RNF17: variants seen among roughly 807,000 people sequenced by gnomAD.
RNF17 encodes ring finger protein 17.
A neutral mutation model predicts 200.5 loss-of-function variants in RNF17; 31 were observed. The observed-to-expected ratio is 0.15, with a 90% confidence interval of 0.12 to 0.21. The LOEUF (loss-of-function observed/expected upper bound fraction) is 0.21, where lower values mean the gene tolerates loss of function less well. Among genes scored for constraint, RNF17 ranks in the 10% least tolerant of loss-of-function variants. RNF17 has a pLI of 1.00. For synonymous variants in RNF17, 606 were observed against 637.8 expected, an observed-to-expected ratio of 0.95 and a Z score of 0.75; for missense variants, 1,628 against 1,905.1, an observed-to-expected ratio of 0.85 and a Z score of 2.71.
intron 18 of RNF17, among the ~76,000 whole-genome samples, chr13:24,840,530 T>C (rs1890509700): frequency 1.9e-5 from 2 of 107,638 alleles, no homozygotes; most frequent in Non-Finnish European, 4.2e-5. Context: ...CATATATATA[T>C]GTGTGTGTGT....
chr13:24,833,662 C>G (rs1889667909), intron 18 of RNF17, among the ~76,000 whole-genome samples: 2 of 152,204 alleles, frequency 1.3e-5, no homozygotes, highest in South Asian at 4.1e-4. Flanking sequence ...TAAACACTAG[C>G]TGTGGCATAG....
At chr13:24,764,936 C>A (rs1018953062) in intron 1 of RNF17, among the ~76,000 whole-genome samples, 1 of 147,818 alleles carries the variant, frequency 6.8e-6, no homozygotes, top group Non-Finnish European at 1.5e-5. Context: ...GGTCTTTATA[C>A]GTGAGGGGAA....
chr13:24,871,593 C>T (rs1400690829), intron 32 of RNF17, among the ~76,000 whole-genome samples: 1 of 150,054 alleles, frequency 6.7e-6, no homozygotes, highest in African/African-American at 2.5e-5. Context: ...CCACCTTGAC[C>T]AAAATGCTGG....
intron 14 of RNF17, among the ~76,000 whole-genome samples, chr13:24,802,852 A>G (rs1426223311): frequency 6.6e-6 from 1 of 152,076 alleles, no homozygotes; most frequent in Non-Finnish European, 1.5e-5. Context: ...TGAGTTTGAG[A>G]CCAGGCTGGG....
chr13:24,851,792 A>C (rs1279744555), intron 24 of RNF17, among the ~76,000 whole-genome samples: 1 of 152,176 alleles, frequency 6.6e-6, no homozygotes, highest in African/African-American at 2.4e-5. Flanking sequence ...GTTTACTGAC[A>C]TACTTGCTTT....
the RNF17 span, among the ~76,000 whole-genome samples, chr13:24,754,113 G>A: frequency 2.0e-5 from 3 of 151,112 alleles, no homozygotes; most frequent in Non-Finnish European, 4.4e-5. Context: ...AGCCGAGATC[G>A]CACCATTGCA....
At position 24,812,687 on chromosome 13, in the gene RNF17, T is replaced by TCCCC. The variant is rs1566168476; in HGVS notation, c.2091+8258_2091+8259insCCCC. On this transcript the variant is annotated intron_variant, in intron 15 of 35. Transcript: ENST00000255324. ...CCTCCCCTCCCCGCCCCACCCCCTT[T>TCCCC]TTTTTTTTTTTTGAGACGCAGTCTC... 4.9e-3 allele frequency among the ~76,000 whole-genome samples: 121 copies of TCCCC among 24,746 alleles called. 1 individual carries two copies. Among genetic ancestry groups the TCCCC allele is most frequent in the East Asian group, 0.041 (32 of 784 alleles). The allele number at this position is 24,746 out of a possible 152,430, so 16.2% of individuals were successfully genotyped here.
At chr13:24,824,672 C>A (rs1888437732) in intron 15 of RNF17, among the ~76,000 whole-genome samples, 1 of 152,102 alleles carries the variant, frequency 6.6e-6, no homozygotes, top group Admixed American at 6.5e-5. Context: ...CTTACTGAAT[C>A]ATTGATTTAA....
intron 19 of RNF17, among the ~76,000 whole-genome samples, chr13:24,843,362 C>CA (rs1890869219): frequency 1.3e-5 from 2 of 151,676 alleles, no homozygotes; most frequent in East Asian, 3.9e-4. Context: ...ACTAAAAATA[C>CA]AAAAAATTAG....
chr13:24,817,153 CTT>C, intron 15 of RNF17, among the ~76,000 whole-genome samples: 1 of 152,072 alleles, frequency 6.6e-6, no homozygotes, highest in Non-Finnish European at 1.5e-5. Flanking sequence ...ATTCCTCCAT[CTT>C]TTTGTTTTTT....
At chr13:24,755,972 C>T in the RNF17 span, among the ~76,000 whole-genome samples, 7 of 151,998 alleles carry the variant, frequency 4.6e-5, no homozygotes, top group South Asian at 2.1e-4. Context: ...CACCAGTATT[C>T]GACATGTTTT....
Position 24,799,608 on chromosome 13 carries a change from C to T in RNF17, c.1589+24C>T, listed in dbSNP as rs368348494. ...GGGTATGATATTTTATAATATGTAT[C>T]CTTGGCCTGCTTAGAAACATTTTGG... is the stretch of plus-strand genomic sequence containing the variant. On this transcript the variant is annotated intron_variant, in intron 12 of 35. Coordinates refer to ENST00000255324, the MANE Select transcript of RNF17 (RefSeq NM_031277.3). The T allele has an allele frequency of 7.6e-6, 11 of 1,450,428 alleles. No homozygotes were observed. The African/African-American group carries it at 1.4e-4, about 19-fold the overall frequency. The allele number at this position is 1,450,428 out of a possible 1,614,324, so 89.8% of individuals were successfully genotyped here. A position where few individuals can be genotyped will look rare whatever the true frequency, so the allele number is the denominator to read the frequency against.
intron 11 of RNF17, among the ~76,000 whole-genome samples, chr13:24,796,569 A>C (rs1377288661): frequency 2.0e-5 from 3 of 152,142 alleles, no homozygotes; most frequent in African/African-American, 7.2e-5. Flanking sequence ...CCCATGACAG[A>C]TTATATAGCC....
Position 24,840,865 on chromosome 13 carries a change from T to A in RNF17, c.2483-1176T>A, listed in dbSNP as rs114792417. Among the ~76,000 whole-genome samples, 345 of 152,302 alleles carry A rather than the reference T, an allele frequency of 2.3e-3. 2 individuals carry two copies. The highest frequency in any genetic ancestry group is 7.9e-3 in the African/African-American group (328 of 41,566). ...CTTACTCGTTTAACCAAATACCACG[T>A]GTACCCCTATAACTTAATGGAAAAA... On this transcript the variant is annotated intron_variant, in intron 18 of 35. Coordinates refer to ENST00000255324, the MANE Select transcript of RNF17 (RefSeq NM_031277.3).
chr13:24,880,210 A>G (rs569835332), downstream of RNF17, among the ~76,000 whole-genome samples: 1 of 152,292 alleles, frequency 6.6e-6, no homozygotes, highest in South Asian at 2.1e-4. Flanking sequence ...AAGGGGAAGC[A>G]AGTCACCTTC....
At chr13:24,803,930 A>C (rs1885543943) in intron 14 of RNF17, 1 of 223,846 alleles carries the variant, frequency 4.5e-6, no homozygotes, top group Non-Finnish European at 8.7e-6. Context: ...AAGTCAGTAC[A>C]TGTACAAGTC....
At chr13:24,800,662 C>T (rs1023738987) in intron 13 of RNF17, 128 bp downstream of exon 13, 1 of 618,144 alleles carries the variant, frequency 1.6e-6, no homozygotes, top group Non-Finnish European at 2.6e-6. Flanking sequence ...GCATATTAAA[C>T]TGTTAGTTCT....
At chr13:24,828,322 C>T (rs1184352205) in intron 16 of RNF17, among the ~76,000 whole-genome samples, 1 of 152,092 alleles carries the variant, frequency 6.6e-6, no homozygotes, top group Non-Finnish European at 1.5e-5. Context: ...TTTCCTGTAT[C>T]TTCTGTGGTC....
the RNF17 span, chr13:24,751,316 T>TATA: frequency 1.9e-4 from 19 of 98,974 alleles, no homozygotes; most frequent in African/African-American, 5.7e-4. Flanking sequence ...ATATATATAT[T>TATA]TTTTTTTACT....
Sources: allele counts gnomAD v4.1 joint callset (sites outside exome capture counted in the v4.1 genomes callset), GRCh38; gene constraint gnomAD v4.1.1; transcripts MANE v1.5; gene names NCBI Gene and HGNC (gene_info 2026-07-23, HGNC 2026-07-21).